The following PTPRD variants were observed in gnomAD, a reference collection of about 807,000 sequenced individuals.
PTPRD encodes receptor-type tyrosine-protein phosphatase delta.
In PTPRD, 34 loss-of-function variants were observed where a neutral mutation model predicts 214.5. The ratio of observed to expected loss-of-function variants is 0.16; its 90% CI spans 0.12 to 0.21. The LOEUF is 0.21. Ranked by LOEUF, PTPRD falls within the 10% of genes least tolerant of loss-of-function variation. PTPRD has a pLI of 1.00. For synonymous variants in PTPRD, 1,128 were observed against 845.7 expected (o/e 1.33, Z -5.79); for missense variants, 2,545 against 2,398.7 (o/e 1.06, Z -1.27).
At chr9:8,322,097 A>C (rs897212234) in intron 44 of PTPRD, among the ~76,000 whole-genome samples, 8 of 149,896 alleles carry the variant, frequency 5.3e-5, no homozygotes, top group Non-Finnish European at 1.2e-4. Context: ...ACAAACACTT[A>C]ATTGACAAAT....
At chr9:9,992,249 A>C (rs562241716) in intron 4 of PTPRD, among the ~76,000 whole-genome samples, 1 of 152,224 alleles carries the variant, frequency 6.6e-6, no homozygotes, top group Non-Finnish European at 1.5e-5. Context: ...GATTTAAATT[A>C]TATCTCAATA....
chr9:9,688,722 G>C (rs2097209538), intron 7 of PTPRD, among the ~76,000 whole-genome samples: 1 of 151,754 alleles, frequency 6.6e-6, no homozygotes, highest in African/African-American at 2.4e-5. Flanking sequence ...TTCTGGAGTG[G>C]TGATATTTCT....
At chr9:9,877,029 G>T (rs1322109318) in intron 5 of PTPRD, among the ~76,000 whole-genome samples, 2 of 152,056 alleles carry the variant, frequency 1.3e-5, no homozygotes, top group Non-Finnish European at 2.9e-5. Context: ...CATTGCTCAA[G>T]CCACTTATTT....
chr9:8,351,765 A>T (rs979667837), intron 39 of PTPRD, among the ~76,000 whole-genome samples: 1 of 145,732 alleles, frequency 6.9e-6, no homozygotes, highest in African/African-American at 2.5e-5. Flanking sequence ...AAAAAAAAAA[A>T]AAAAAAATCT....
In PTPRD at chr9:10,555,700, T is replaced by C. The variant is rs1208895815; in HGVS notation, c.-600+56698A>G. On this transcript the variant is annotated intron_variant, in intron 2 of 45. Coordinates refer to ENST00000381196, the MANE Select transcript of PTPRD (RefSeq NM_002839.4). ...AACAAATATGCCCTGAAATTTGGAA[T>C]ACTCAGATAATTTTAAAAATTGAAA... 3.9e-5 allele frequency among the ~76,000 whole-genome samples: 6 copies of C among 152,296 alleles called. No individual in the cohort carries two copies. In the East Asian group the frequency reaches 1.2e-3, roughly 29 times the overall value.
chr9:9,531,453 T>C (rs933208997), intron 8 of PTPRD, among the ~76,000 whole-genome samples: 2 of 152,178 alleles, frequency 1.3e-5, no homozygotes, highest in Non-Finnish European at 2.9e-5. Context: ...CAGCTCATGA[T>C]ATGATTCAGT....
chr9:9,723,900 T>C (rs1398830537), intron 7 of PTPRD, among the ~76,000 whole-genome samples: 1 of 152,100 alleles, frequency 6.6e-6, no homozygotes, highest in Non-Finnish European at 1.5e-5. Context: ...TTCTGATATA[T>C]ATTTAAGTAG....
chr9:10,368,844 A>G (rs1201450287), intron 2 of PTPRD, among the ~76,000 whole-genome samples: 1 of 152,132 alleles, frequency 6.6e-6, no homozygotes, highest in Non-Finnish European at 1.5e-5. Flanking sequence ...TCATAGAAGG[A>G]CCTTTCATCA....
At chr9:10,542,085 T>C (rs183551195) in intron 2 of PTPRD, among the ~76,000 whole-genome samples, 1 of 152,272 alleles carries the variant, frequency 6.6e-6, no homozygotes, top group African/African-American at 2.4e-5. Context: ...TATAGACTTT[T>C]GTAATTCCTT....
chr9:9,334,757 C>G lies in PTPRD; in HGVS notation c.-203+62692G>C, dbSNP rs927011234. 7.3e-5 allele frequency among the ~76,000 whole-genome samples: 11 copies of G among 151,702 alleles called. No homozygotes were observed. In the East Asian group the frequency reaches 1.9e-3, roughly 27 times the overall value. On this transcript the variant is annotated intron_variant, in intron 9 of 45. Transcript: ENST00000381196. Reference sequence around the variant, plus strand: ...TATTAGTGTCTATTATTATCATGATCATCATCATCATCATCCTCATCCCAA... The same window carrying G: ...TATTAGTGTCTATTATTATCATGATGATCATCATCATCATCCTCATCCCAA...
chr9:10,073,140 G>T (rs78424180), intron 3 of PTPRD, among the ~76,000 whole-genome samples: 1 of 152,052 alleles, frequency 6.6e-6, no homozygotes, highest in Non-Finnish European at 1.5e-5. Context: ...AGAGGAGAAC[G>T]TTGAATAGAT....
intron 9 of PTPRD, among the ~76,000 whole-genome samples, chr9:9,273,991 C>T (rs1440978949): frequency 6.6e-6 from 1 of 151,302 alleles, no homozygotes; most frequent in Non-Finnish European, 1.5e-5. Context: ...ACCTTACATC[C>T]TGCCACATCC....
At chr9:9,431,505 G>A (rs199679746) in intron 8 of PTPRD, among the ~76,000 whole-genome samples, 4 of 151,874 alleles carry the variant, frequency 2.6e-5, no homozygotes, top group East Asian at 3.9e-4. Flanking sequence ...GCAATTCCTC[G>A]AGGATCTACA....
intron 10 of PTPRD, among the ~76,000 whole-genome samples, chr9:9,050,527 T>A (rs150948710): frequency 9.2e-5 from 14 of 152,280 alleles, no homozygotes; most frequent in African/African-American, 3.4e-4. Context: ...TACTGTGGCT[T>A]GTGTTAGCTG....
intron 8 of PTPRD, among the ~76,000 whole-genome samples, chr9:9,504,197 G>C (rs2096513866): frequency 6.6e-6 from 1 of 151,664 alleles, no homozygotes; most frequent in Non-Finnish European, 1.5e-5. Flanking sequence ...AATTTATAAA[G>C]ACATTCTTAA....
intron 2 of PTPRD, among the ~76,000 whole-genome samples, chr9:10,426,056 T>G (rs753803728): frequency 3.9e-5 from 6 of 152,038 alleles, no homozygotes; most frequent in African/African-American, 1.4e-4. Context: ...ATTTTGGATA[T>G]GGATCATTTC....
At chr9:9,741,449 C>CT (rs77515920) in intron 6 of PTPRD, among the ~76,000 whole-genome samples, 8 of 151,238 alleles carry the variant, frequency 5.3e-5, no homozygotes, top group Admixed American at 2.0e-4. Context: ...TTTGAGTTGG[C>CT]TTTTTTTTTT....
intron 5 of PTPRD, among the ~76,000 whole-genome samples, chr9:9,782,623 C>G (rs1428409891): frequency 6.6e-6 from 1 of 152,070 alleles, no homozygotes; most frequent in Non-Finnish European, 1.5e-5. Context: ...CATGCTGTTC[C>G]TGGGGAAAAA....
chr9:9,100,969 G>A (rs1455593405), intron 10 of PTPRD, among the ~76,000 whole-genome samples: 2 of 151,678 alleles, frequency 1.3e-5, no homozygotes, highest in Middle Eastern at 3.2e-3. Flanking sequence ...ATATTTTGTT[G>A]TGAAAGCAGA....
Sources: allele counts gnomAD v4.1 joint callset (sites outside exome capture counted in the v4.1 genomes callset), GRCh38; gene constraint gnomAD v4.1.1; transcripts MANE v1.5; gene names NCBI Gene and HGNC (gene_info 2026-07-23, HGNC 2026-07-21).